NAGPA: variants seen among roughly 807,000 people sequenced by gnomAD.
The protein encoded by NAGPA is N-acetylglucosamine-1-phosphodiester alpha-N-acetylglucosaminidase, also known as alpha-N-acetylglucosaminyl phosphodiesterase.
NAGPA carries 56 observed loss-of-function variants against 48.5 expected under a neutral mutation model. The ratio of observed to expected loss-of-function variants is 1.15; its 90% CI spans 0.93 to 1.44. NAGPA has a LOEUF of 1.44. NAGPA is among the 40% of genes most tolerant of loss of function. The pLI, the probability that NAGPA is intolerant of heterozygous loss-of-function variation, is 0.00. For missense variants in NAGPA, 888 were observed against 735.0 expected, an observed-to-expected ratio of 1.21 and a Z score of -2.41; for synonymous variants, 399 against 315.5, an observed-to-expected ratio of 1.26 and a Z score of -2.81.
intron 5 of NAGPA, 80 bp from the exon 6 acceptor site, chr16:5,028,265 C>G (rs1956040042): frequency 5.8e-6 from 9 of 1,547,788 alleles, no homozygotes; most frequent in Non-Finnish European, 7.9e-6. Context: ...CCAACCACCC[C>G]TCTCTCCATT....
intron 5 of NAGPA, chr16:5,028,650 C>G: frequency 1.5e-6 from 1 of 656,246 alleles, no homozygotes; most frequent in Non-Finnish European, 2.6e-6. Flanking sequence ...CTACCACCTC[C>G]TTCAGATCTC....
At chr16:5,032,491 GTT>G (rs1567142181) in intron 2 of NAGPA, among the ~76,000 whole-genome samples, 5 of 148,740 alleles carry the variant, frequency 3.4e-5, no homozygotes, top group African/African-American at 2.5e-5. Context: ...CCACTCCCCC[GTT>G]CCCCACCCCA....
chr16:5,031,724 C>G, intron 3 of NAGPA, 21 bp downstream of exon 3: 1 of 1,614,016 alleles, frequency 6.2e-7, no homozygotes, highest in Non-Finnish European at 8.5e-7. Flanking sequence ...AGGGTTGTTG[C>G]CAACAGCCTC....
At chr16:5,028,297 C>G (rs1567139265) in intron 5 of NAGPA, 112 bp from the exon 6 acceptor site, 1 of 1,537,638 alleles carries the variant, frequency 6.5e-7, no homozygotes, top group Admixed American at 2.0e-5. Context: ...ACCTACCTAC[C>G]TACAAGATGG....
At position 5,027,319 on chromosome 16, in the gene NAGPA, C is replaced by T. The variant is rs748882290; in HGVS notation, c.1235G>A (p.Cys412Tyr). The change falls in exon 8 of 10, where the codon TGT (cysteine) becomes TAT (tyrosine). Residue 412 changes from cysteine to tyrosine, a missense_variant. Physicochemically the swap from Cys to Tyr is radical, Grantham distance 194 (BLOSUM62 -2). Coordinates refer to ENST00000312251, the MANE Select transcript of NAGPA (RefSeq NM_016256.4). ...CQRPCKCEHH[C>Y]PCDPKTGNCS... ...GTTGCCAGTCTTGGGGTCACAGGGA[C>T]AATGGTGCTCACACTTACAAGGCCT... The T allele has an allele frequency of 3.7e-6, 6 of 1,614,068 alleles. No homozygotes were observed. The East Asian group carries it at 8.9e-5, about 24-fold the overall frequency.
Position 5,033,809 on chromosome 16 carries a change from G to T in NAGPA, c.86+20C>A. On this transcript the variant is annotated intron_variant, in intron 1 of 9. Transcript: ENST00000312251. This position sits in a 1 kb window ranked among gnomAD's most constrained non-coding sequence, Gnocchi z 4.2. ...AGGGGGGACCCCCCGAACCAGGCTG[G>T]CCCAGGGAGCTGCACTCACCCCGAG... The T allele has an allele frequency of 6.4e-7, 1 of 1,557,982 alleles. No homozygotes were observed. The highest frequency in any genetic ancestry group is 8.7e-7 in the Non-Finnish European group (1 of 1,151,836).
chr16:5,027,492 G>A (rs1022273526), intron 7 of NAGPA, 113 bp from the exon 8 acceptor site: 18 of 1,167,344 alleles, frequency 1.5e-5, no homozygotes, highest in African/African-American at 1.1e-4. Context: ...GTACAGAGCC[G>A]GGCTAAAGGT....
Position 5,025,439 on chromosome 16 carries a change from C to T in NAGPA, c.*39G>A, listed in dbSNP as rs766754120. 6.2e-7 allele frequency: 1 copy of T among 1,607,516 alleles called. No homozygotes were observed. The highest frequency in any genetic ancestry group is 2.3e-4 in the Middle Eastern group (1 of 4,432). On this transcript the variant is annotated 3_prime_UTR_variant, in exon 10 of 10. Coordinates refer to ENST00000312251, the MANE Select transcript of NAGPA (RefSeq NM_016256.4). ...CTGCAGAAGCCAGACCGTGGGGAAA[C>T]AAGCTTTCGCGACGTGCCACCCCGG...
At position 5,033,696 on chromosome 16, in the gene NAGPA, T is replaced by C. The variant is rs965950443; in HGVS notation, c.119A>G (p.Tyr40Cys). 5.6e-6 allele frequency: 9 copies of C among 1,599,824 alleles called. No homozygotes were observed. The highest frequency in any genetic ancestry group is 4.0e-5 in the African/African-American group (3 of 74,630). ...GGGGAGGCGCGCGCGCGCGCGTGGA[T>C]AGGGCAGTAGCAAGTCGTCGTCGCG... is the stretch of plus-strand genomic sequence containing the variant. ...ASRDDDLLLP[Y>C]PRARARLPRD... The change falls in exon 2 of 10, where the codon TAT becomes TGT. Residue 40 changes from tyrosine (Y) to cysteine (C), a missense_variant. Physicochemically the swap from Tyr to Cys is radical, Grantham distance 194 (BLOSUM62 -2). Coordinates refer to ENST00000312251, the MANE Select transcript of NAGPA (RefSeq NM_016256.4). This position sits in a 1 kb window ranked among gnomAD's most constrained non-coding sequence, Gnocchi z 4.2.
chr16:5,027,589 C>T (rs541748260), intron 7 of NAGPA, among the ~76,000 whole-genome samples: 1 of 152,348 alleles, frequency 6.6e-6, no homozygotes, highest in South Asian at 2.1e-4. Flanking sequence ...CAGTTAGGAT[C>T]TCAAGATAAG....
chr16:5,027,419 A>G, intron 7 of NAGPA, 40 bp from the exon 8 acceptor site: 1 of 1,594,222 alleles, frequency 6.3e-7, no homozygotes, highest in Non-Finnish European at 8.6e-7. Context: ...GGGAGGAGAA[A>G]GGTTGGGGCC....
At position 5,025,602 on chromosome 16, in the gene NAGPA, C is replaced by T. The variant is rs747849814; in HGVS notation, c.1424G>A (p.Arg475Lys). The change falls in exon 10 of 10, where the codon AGA becomes AAA. Residue 475 changes from arginine to lysine, a missense_variant. Physicochemically the swap from Arg to Lys is conservative, Grantham distance 26 (BLOSUM62 2). Coordinates refer to ENST00000312251, the MANE Select transcript of NAGPA (RefSeq NM_016256.4). ...ATGCAGGCGCCGGTTCCTCTCTGCT[C>T]TGGACAGGAGCAAGGACAGGTTTGC... ...TAANLSLLLS[R>K]AERNRRLHGD... 1.2e-6 allele frequency: 2 copies of T among 1,613,974 alleles called. No homozygotes were observed. The highest frequency in any genetic ancestry group is 3.3e-5 in the Admixed American group (2 of 60,030).
chr16:5,031,615 C>A (rs1339306027), intron 3 of NAGPA, 130 bp downstream of exon 3: 46 of 1,239,898 alleles, frequency 3.7e-5, no homozygotes, highest in Non-Finnish European at 5.2e-5. Context: ...CCCATGAATC[C>A]CCAGTACCCA....
Position 5,033,686 on chromosome 16 carries a change from C to A in NAGPA, c.129G>T (p.Ala43=), listed in dbSNP as rs771417737. 7 of 1,595,286 alleles carry A rather than the reference C, an allele frequency of 4.4e-6. No homozygotes were observed. The highest frequency in any genetic ancestry group is 6.0e-6 in the Non-Finnish European group (7 of 1,175,118). ...DDDLLLPYPR[A]RARLPRDCTR... ...TGCAGTCCCGGGGGAGGCGCGCGCG[C>A]GCGCGTGGATAGGGCAGTAGCAAGT... The change falls in exon 2 of 10, where the codon GCG becomes GCT. Residue 43 remains alanine, a synonymous_variant. Coordinates refer to ENST00000312251, the MANE Select transcript of NAGPA (RefSeq NM_016256.4). This position sits in a 1 kb window ranked among gnomAD's most constrained non-coding sequence, Gnocchi z 4.2.
chr16:5,025,756 G>T, intron 9 of NAGPA, 71 bp from the exon 10 acceptor site: 1 of 1,473,726 alleles, frequency 6.8e-7, no homozygotes, highest in Non-Finnish European at 9.3e-7. Flanking sequence ...CACTGGAGGG[G>T]CTTCCCTCTA....
rs142713310 is a variant in NAGPA at position 5,028,155 on chromosome 16, T to C, written c.951A>G (p.Gln317=). ...CQDNMWRCPR[Q]VSTVVCVHEP... is the part of the protein sequence containing the mutation. ...CGTGCACACACACCACGGTGGACACTTGGCGGGGACAGCGCCACATGTTGT... is the reference window on the plus strand; with the variant it reads ...CGTGCACACACACCACGGTGGACACCTGGCGGGGACAGCGCCACATGTTGT... Residue 317 remains glutamine, a synonymous_variant, in exon 6 of 10, where the codon CAA becomes CAG. Transcript: ENST00000312251. 1 of 1,581,458 alleles carries C rather than the reference T, an allele frequency of 6.3e-7. No homozygotes were observed. The highest frequency in any genetic ancestry group is 8.6e-7 in the Non-Finnish European group (1 of 1,163,626).
In NAGPA at chr16:5,028,900, G is replaced by A. The variant is rs148734092; in HGVS notation, c.900C>T (p.Ala300=). ...CTTACCAGTGATCTGACGGGTAACT[G>A]GCCAAGGTCCCGTTGAGCACAAAGG... ...SATFVLNGTL[A]SYPSDHCQDN... The change falls in exon 5 of 10, where the codon GCC becomes GCT. Residue 300 remains alanine, a synonymous_variant. Transcript: ENST00000312251. 1.3e-5 allele frequency: 21 copies of A among 1,613,932 alleles called. No homozygotes were observed. The African/African-American group carries it at 2.7e-4, about 21-fold the overall frequency.
At chr16:5,027,071 G>T in intron 9 of NAGPA, 64 bp downstream of exon 9, 1 of 1,586,060 alleles carries the variant, frequency 6.3e-7, no homozygotes, top group Admixed American at 1.7e-5. Flanking sequence ...CCTCACAGGG[G>T]AAGGGTGCGG....
chr16:5,031,539 A>T, intron 3 of NAGPA: 1 of 683,106 alleles, frequency 1.5e-6, no homozygotes, highest in Non-Finnish European at 2.5e-6. Flanking sequence ...AGCACTTATC[A>T]ATTCTTTTCA....
Sources: allele counts gnomAD v4.1 joint callset (sites outside exome capture counted in the v4.1 genomes callset), GRCh38; gene constraint gnomAD v4.1.1; non-coding constraint Gnocchi (gnomAD v3.1); transcripts MANE v1.5; gene names NCBI Gene and HGNC (gene_info 2026-07-23, HGNC 2026-07-21).